CR2: variants seen among roughly 807,000 people sequenced by gnomAD.
The protein encoded by CR2 is complement receptor type 2.
CR2 carries 96 observed loss-of-function variants against 123.0 expected under a neutral mutation model. The observed-to-expected ratio is 0.78, with a 90% CI of 0.66 to 0.93. The LOEUF is 0.93. CR2 is among the 40% of genes least tolerant of loss of function. CR2 has a pLI of 0.00. For synonymous variants in CR2, 484 were observed against 469.5 expected, an observed-to-expected ratio of 1.03 and a Z score of -0.40; for missense variants, 1,258 against 1,361.0, an observed-to-expected ratio of 0.92 and a Z score of 1.19.
chr1:207,474,109 A>G, intron 12 of CR2, 132 bp from the exon 13 acceptor site: 1 of 930,654 alleles, frequency 1.1e-6, no homozygotes, highest in Admixed American at 2.0e-5. Context: ...CTTGGAGTAA[A>G]AAAAAGTAGT....
intron 18 of CR2, 35 bp downstream of exon 18, chr1:207,480,088 T>G (rs769902114): frequency 1.3e-6 from 2 of 1,502,654 alleles, no homozygotes; most frequent in Non-Finnish European, 1.9e-6. Context: ...TTGACCAACA[T>G]GCACAAGTGG....
chr1:207,481,002 G>T (rs1022774678), intron 18 of CR2, among the ~76,000 whole-genome samples: 1 of 151,910 alleles, frequency 6.6e-6, no homozygotes, highest in Non-Finnish European at 1.5e-5. Context: ...TTCTCATTCA[G>T]AAATATACTA....
intron 18 of CR2, among the ~76,000 whole-genome samples, chr1:207,483,869 A>G (rs1430096725): frequency 6.6e-6 from 1 of 152,190 alleles, no homozygotes; most frequent in Non-Finnish European, 1.5e-5. Context: ...CTGTGGAACC[A>G]AAAAGAACAG....
At chr1:207,470,219 C>A (rs1376403567) in intron 6 of CR2, 117 bp downstream of exon 6, 2 of 1,101,484 alleles carry the variant, frequency 1.8e-6, no homozygotes, top group Non-Finnish European at 2.6e-6. Flanking sequence ...AAATCTACTA[C>A]ATCTAATCAA....
intron 13 of CR2, 115 bp downstream of exon 13, chr1:207,474,438 G>A (rs1179452231): frequency 7.6e-6 from 6 of 791,800 alleles, no homozygotes; most frequent in Non-Finnish European, 1.3e-5. Context: ...CTCATTGGAG[G>A]TTAGATAAGA....
chr1:207,473,256 A>G, intron 10 of CR2, 77 bp downstream of exon 10: 1 of 1,546,580 alleles, frequency 6.5e-7, no homozygotes, highest in Non-Finnish European at 8.8e-7. Context: ...CCAAAACTGC[A>G]TCATGGAAAG....
intron 19 of CR2, among the ~76,000 whole-genome samples, chr1:207,488,289 C>T (rs915350084): frequency 2.0e-5 from 3 of 152,180 alleles, no homozygotes; most frequent in Admixed American, 2.0e-4. Flanking sequence ...GGAATGCAAG[C>T]TCATGCCTGA....
In CR2 at chr1:207,476,272, G is replaced by T; in HGVS notation, c.2755G>T (p.Gly919Trp). The T allele has an allele frequency of 6.2e-7, 1 of 1,613,838 alleles. No homozygotes were observed. The highest frequency in any genetic ancestry group is 1.7e-5 in the Admixed American group (1 of 60,000). Residue 919 changes from glycine (G) to tryptophan (W), a missense_variant, in exon 15 of 20, where the codon GGG becomes TGG. Coordinates refer to ENST00000367057, the MANE Select transcript of CR2 (RefSeq NM_001006658.3). ...TCCACCTCCGCCTAAGACCCCTAACGGGAACCATACTGGTGGAAACATAGC... is the reference window on the plus strand; with the variant it reads ...TCCACCTCCGCCTAAGACCCCTAACTGGAACCATACTGGTGGAAACATAGC... ...GCPPPPKTPN[G>W]NHTGGNIARF...
chr1:207,469,478 T>C (rs1191916265), intron 5 of CR2, among the ~76,000 whole-genome samples: 1 of 152,118 alleles, frequency 6.6e-6, no homozygotes, highest in Non-Finnish European at 1.5e-5. Context: ...GAAAATAGTG[T>C]ATTTGGTAAA....
intron 1 of CR2, among the ~76,000 whole-genome samples, chr1:207,459,031 G>A (rs1013795140): frequency 3.9e-5 from 6 of 152,140 alleles, no homozygotes; most frequent in Non-Finnish European, 5.9e-5. Flanking sequence ...ATTATGAATT[G>A]TGTGTATATT....
chr1:207,471,557 G>C, intron 9 of CR2, 58 bp downstream of exon 9: 2 of 1,279,768 alleles, frequency 1.6e-6, no homozygotes, highest in Non-Finnish European at 2.3e-6. Context: ...CATTTCCTGG[G>C]AGATTTTTGT....
At position 207,468,567 on chromosome 1, in the gene CR2, T is replaced by A; in HGVS notation, c.486T>A (p.Asn162Lys). 1.2e-6 allele frequency: 2 copies of A among 1,613,980 alleles called. No homozygotes were observed. Among genetic ancestry groups the A allele is most frequent in the Non-Finnish European group, 1.7e-6 (2 of 1,179,932 alleles). Reference protein sequence around the residue: ...LECPALPMIHNGHHTSENVGS... With the variant: ...LECPALPMIHKGHHTSENVGS... Reference sequence around the variant, plus strand: ...GTCCAGCACTTCCTATGATCCACAATGGACATCACACAAGTGAGAATGTTG... The same window carrying A: ...GTCCAGCACTTCCTATGATCCACAAAGGACATCACACAAGTGAGAATGTTG... The change falls in exon 3 of 20, where the codon AAT becomes AAA. Residue 162 changes from asparagine (N) to lysine (K), a missense_variant. Physicochemically the swap from Asn to Lys is moderately conservative, Grantham distance 94. Coordinates refer to ENST00000367057, the MANE Select transcript of CR2 (RefSeq NM_001006658.3).
At chr1:207,480,776 A>G (rs1181403695) in intron 18 of CR2, among the ~76,000 whole-genome samples, 15 of 152,146 alleles carry the variant, frequency 9.9e-5, no homozygotes, top group Non-Finnish European at 2.9e-5. Flanking sequence ...TGCCTGTTCC[A>G]TTACAAACCA....
At position 207,466,654 on chromosome 1, in the gene CR2, C is replaced by A; in HGVS notation, c.187C>A (p.Leu63Ile). The A allele has an allele frequency of 1.2e-6, 2 of 1,614,038 alleles. No individual in the cohort carries two copies. Among genetic ancestry groups the A allele is most frequent in the Non-Finnish European group, 1.7e-6 (2 of 1,179,992 alleles). Reference protein sequence around the residue: ...GTFRLIGEKSLLCITKDKVDG... With the variant: ...GTFRLIGEKSILCITKDKVDG... Reference sequence around the variant, plus strand: ...CTTCCGCCTCATTGGAGAAAAAAGTCTATTATGCATAACTAAAGACAAAGT... The same window carrying A: ...CTTCCGCCTCATTGGAGAAAAAAGTATATTATGCATAACTAAAGACAAAGT... Residue 63 changes from leucine to isoleucine, a missense_variant, in exon 2 of 20, where the codon CTA becomes ATA. Transcript: ENST00000367057.
At chr1:207,464,359 C>T (rs1658036134) in intron 1 of CR2, among the ~76,000 whole-genome samples, 1 of 152,212 alleles carries the variant, frequency 6.6e-6, no homozygotes, top group Non-Finnish European at 1.5e-5. Flanking sequence ...AATATTCTCT[C>T]TTTCCCCACC....
chr1:207,475,210 A>G lies in CR2; in HGVS notation c.2710A>G (p.Lys904Glu), dbSNP rs533786379. 3.3e-5 allele frequency: 53 copies of G among 1,613,744 alleles called. No individual in the cohort carries two copies. In the South Asian group the frequency reaches 5.6e-4, roughly 17 times the overall value. The part of the protein sequence containing the change: ...TWVPGVPTCI[K>E]KAFIGCPPPP... The stretch of plus-strand genomic sequence containing the variant: ...GGTGCCAGGTGTGCCAACTTGTATC[A>G]AAAAAGGTAAGATACTTGGAAGGGA... Residue 904 changes from lysine (K) to glutamate (E), a missense_variant, in exon 14 of 20, where the codon AAA becomes GAA. By Grantham distance (56) the Lys-to-Glu change is moderately conservative. Transcript: ENST00000367057.
At chr1:207,478,831 A>G (rs17045328) in intron 16 of CR2, among the ~76,000 whole-genome samples, 5,557 of 152,176 alleles carry the variant, frequency 0.037, 282 homozygotes, top group East Asian at 0.28. Flanking sequence ...ATCTCTGATT[A>G]TAAAGTTGAG....
At chr1:207,474,772 C>T (rs1027182321) in intron 13 of CR2, 52 bp from the exon 14 acceptor site, 22 of 1,586,736 alleles carry the variant, frequency 1.4e-5, no homozygotes, top group Non-Finnish European at 1.7e-5. Context: ...GAATGAAGAC[C>T]GCTCACCTTG....
At chr1:207,474,350 C>A in intron 13 of CR2, 27 bp downstream of exon 13, 1 of 1,507,664 alleles carries the variant, frequency 6.6e-7, no homozygotes, top group Non-Finnish European at 9.2e-7. Flanking sequence ...AAAAGCCTGA[C>A]AATGGTAATG....
Sources: gnomAD v4.1 joint callset for allele counts (sites outside exome capture counted in the v4.1 genomes callset) on GRCh38, gnomAD v4.1.1 for gene constraint, MANE v1.5 for transcripts, NCBI Gene and HGNC (gene_info 2026-07-23, HGNC 2026-07-21) for gene names.